Variants in POF1B observed in about 807,000 individuals in gnomAD.
The protein encoded by POF1B is POF1B actin binding protein, also known as protein POF1B.
In POF1B, 53 loss-of-function variants were observed where a neutral mutation model predicts 55.3. The ratio of observed to expected loss-of-function variants is 0.96; its 90% CI spans 0.77 to 1.20. The LOEUF (loss-of-function observed/expected upper bound fraction) is 1.20. Among genes scored for constraint, POF1B ranks in the 50% most tolerant of loss-of-function variants. The probability of loss-of-function intolerance (pLI) is 0.00; values close to 1 mark genes in which losing one functional copy is unlikely to be tolerated. For synonymous variants in POF1B, 188 were observed against 148.3 expected (o/e 1.27, Z -1.95); for missense variants, 478 against 420.5 (o/e 1.14, Z -1.20).
intron 14 of POF1B, among the ~76,000 whole-genome samples, chrX:85,303,941 A>AT (rs1932514906): frequency 9.0e-6 from 1 of 111,196 alleles, no homozygotes; most frequent in African/African-American, 3.3e-5. Flanking sequence ...ATTACCCATA[A>AT]TTTTTGACAA....
intron 3 of POF1B, among the ~76,000 whole-genome samples, chrX:85,361,906 C>T (rs1933628154): frequency 9.1e-6 from 1 of 109,566 alleles, no homozygotes; most frequent in Non-Finnish European, 1.9e-5. Flanking sequence ...TTGTAATTCT[C>T]ATTGTAGAGA....
At chrX:85,323,007 C>T (rs1317254043) in intron 7 of POF1B, among the ~76,000 whole-genome samples, 3 of 109,931 alleles carry the variant, frequency 2.7e-5, no homozygotes, top group African/African-American at 1.0e-4. Context: ...GGACTGTAAA[C>T]TAGTTCAACC....
At chrX:85,316,959 A>C (rs56297959) in intron 7 of POF1B, among the ~76,000 whole-genome samples, 6,265 of 110,595 alleles carry the variant, frequency 0.057, 177 homozygotes, top group Non-Finnish European at 0.083. Context: ...CCCACTTATA[A>C]GTAATAACAT....
At chrX:85,356,247 G>C (rs1289538329) in intron 4 of POF1B, among the ~76,000 whole-genome samples, 2 of 107,084 alleles carry the variant, frequency 1.9e-5, no homozygotes, top group Non-Finnish European at 3.9e-5. Context: ...CTCATAGGTG[G>C]GAATTGAACA....
intron 7 of POF1B, among the ~76,000 whole-genome samples, chrX:85,320,399 C>A (rs939562235): frequency 9.1e-6 from 1 of 110,472 alleles, no homozygotes; most frequent in Non-Finnish European, 1.9e-5. Flanking sequence ...CCAACGAGAA[C>A]AAAGACACAA....
At position 85,331,007 on chromosome X, in the gene POF1B, G is replaced by T; in HGVS notation, c.796C>A (p.Arg266Ser). 8.3e-7 allele frequency: 1 copy of T among 1,203,934 alleles called. No homozygotes were observed. Among genetic ancestry groups the T allele is most frequent in the Non-Finnish European group, 1.1e-6 (1 of 890,966 alleles). Residue 266 changes from arginine (R) to serine (S), a missense_variant, in exon 7 of 17, where the codon CGT (arginine) becomes AGT (serine). Physicochemically the swap from Arg to Ser is moderately radical, Grantham distance 110. Coordinates refer to ENST00000262753, the MANE Select transcript of POF1B (RefSeq NM_024921.4). Reference protein sequence around the residue: ...YFGELLADLSRKNTDLYHCLL... With the variant: ...YFGELLADLSSKNTDLYHCLL... ...CAGTGATATAGATCCGTATTCTTAC[G>T]GCTCAGATCAGCAAGCAACTCTCCA...
intron 15 of POF1B, among the ~76,000 whole-genome samples, chrX:85,292,103 A>G (rs1475495358): frequency 1.8e-5 from 2 of 111,417 alleles, no homozygotes; most frequent in African/African-American, 3.3e-5. Flanking sequence ...ATTTTGAGGT[A>G]TGTTCCTTCC....
At chrX:85,335,919 CT>C (rs1933064086) in intron 6 of POF1B, among the ~76,000 whole-genome samples, 1 of 110,012 alleles carries the variant, frequency 9.1e-6, no homozygotes, top group South Asian at 3.8e-4. Context: ...TATAGTTACA[CT>C]GTTTTTCTAT....
intron 7 of POF1B, among the ~76,000 whole-genome samples, chrX:85,321,344 C>A (rs1932835878): frequency 9.0e-6 from 1 of 110,938 alleles, no homozygotes; most frequent in African/African-American, 3.3e-5. Context: ...ACCAAAACCA[C>A]ATGATTATCT....
chrX:85,298,986 C>T (rs1009852375), intron 15 of POF1B, among the ~76,000 whole-genome samples: 18 of 108,313 alleles, frequency 1.7e-4, no homozygotes, highest in African/African-American at 5.7e-4. Context: ...TGCTCTATGC[C>T]ATAAAAGAAA....
intron 15 of POF1B, among the ~76,000 whole-genome samples, chrX:85,291,426 T>A (rs1190708545): frequency 8.9e-6 from 1 of 112,163 alleles, no homozygotes; most frequent in African/African-American, 3.2e-5. Flanking sequence ...AGGCTCTTTT[T>A]TCGTTCCATA....
At position 85,348,155 on chromosome X, in the gene POF1B, G is replaced by A. The variant is rs1933307307; in HGVS notation, c.541-2113C>T. ...CACTGACATTCCCATAATCTGGGGT[G>A]CCTTGCAGTCTACCTGAGCCCATTT... On this transcript the variant is annotated intron_variant, in intron 5 of 16. Transcript: ENST00000262753. 2.7e-5 allele frequency among the ~76,000 whole-genome samples: 3 copies of A among 111,079 alleles called. No individual in the cohort carries two copies. In the South Asian group the frequency reaches 1.1e-3, roughly 41 times the overall value.
At chrX:85,281,794 T>C (rs931526522) in intron 16 of POF1B, among the ~76,000 whole-genome samples, 11 of 109,124 alleles carry the variant, frequency 1.0e-4, no homozygotes, top group Non-Finnish European at 1.9e-4. Flanking sequence ...ACAAATTCTA[T>C]TGAAACATGC....
At chrX:85,292,952 G>T (rs1932225035) in intron 15 of POF1B, among the ~76,000 whole-genome samples, 1 of 111,673 alleles carries the variant, frequency 9.0e-6, no homozygotes, top group Non-Finnish European at 1.9e-5. Context: ...GATCATTAGA[G>T]AAATGCAAAT....
rs1481990008 is a variant in POF1B, at chrX:85,351,365, C to T, written c.525G>A (p.Lys175=). 2 of 1,184,042 alleles carry T rather than the reference C, an allele frequency of 1.7e-6. No individual in the cohort carries two copies. The highest frequency in any genetic ancestry group is 1.8e-5 in the South Asian group (1 of 54,825). Residue 175 remains lysine (K), a synonymous_variant, in exon 5 of 17, where the codon AAG becomes AAA. Coordinates refer to ENST00000262753, the MANE Select transcript of POF1B (RefSeq NM_024921.4). ...TATTACTTACCTGATCAGTATTTAGCTTCTCCACTTTTCTTATTGTTTTTT... is the reference window on the plus strand; with the variant it reads ...TATTACTTACCTGATCAGTATTTAGTTTCTCCACTTTTCTTATTGTTTTTT... The part of the protein sequence containing the change: ...IYEKTIRKVE[K]LNTDQGCHPQ...
chrX:85,333,667 T>C (rs1464605359), intron 6 of POF1B, among the ~76,000 whole-genome samples: 1 of 111,029 alleles, frequency 9.0e-6, no homozygotes, highest in Non-Finnish European at 1.9e-5. Context: ...TGATCCCTTG[T>C]ACCTTCCTTA....
At position 85,330,939 on chromosome X, in the gene POF1B, T is replaced by C; in HGVS notation, c.854+10A>G. The C allele has an allele frequency of 8.6e-7, 1 of 1,159,400 alleles. No individual in the cohort carries two copies. The highest frequency in any genetic ancestry group is 1.2e-6 in the Non-Finnish European group (1 of 869,435). ...CTACAACATCAAGGCAAATAATATG[T>C]TTACAGTACCTTCCTCCAATTCTCT... On this transcript the variant is annotated intron_variant, in intron 7 of 16. Transcript: ENST00000262753.
At chrX:85,379,109 G>A in intron 2 of POF1B, 64 bp downstream of exon 2, 1 of 1,116,212 alleles carries the variant, frequency 9.0e-7, no homozygotes, top group Admixed American at 2.3e-5. Flanking sequence ...GAAGCAGAAA[G>A]GAAGAGAAAT....
chrX:85,287,518 A>G (rs1932084123), intron 15 of POF1B, among the ~76,000 whole-genome samples: 1 of 111,699 alleles, frequency 9.0e-6, no homozygotes, highest in Admixed American at 9.6e-5. Flanking sequence ...TTCAAGAGAC[A>G]CAAACTACAA....
Sources: allele counts gnomAD v4.1 joint callset (sites outside exome capture counted in the v4.1 genomes callset), GRCh38; gene constraint gnomAD v4.1.1; transcripts MANE v1.5; gene names NCBI Gene and HGNC (gene_info 2026-07-23, HGNC 2026-07-21).